Variants in ETFB observed in about 807,000 individuals in gnomAD.
The protein encoded by ETFB is electron transfer flavoprotein subunit beta.
Under a neutral mutation model 25.6 loss-of-function variants are expected in ETFB, and 20 were observed. The ratio of observed to expected loss-of-function variants is 0.78; its 90% CI spans 0.55 to 1.14. The LOEUF (loss-of-function observed/expected upper bound fraction) is 1.14, where lower values mean the gene tolerates loss of function less well. ETFB is among the 50% of genes most tolerant of loss of function. The probability of loss-of-function intolerance (pLI) is 0.00; values close to 1 mark genes in which losing one functional copy is unlikely to be tolerated. For synonymous variants in ETFB, 142 were observed against 146.7 expected (o/e 0.97, Z 0.23); for missense variants, 286 against 342.6 (o/e 0.83, Z 1.30).
chr19:51,346,978 C>G lies in ETFB; in HGVS notation c.519G>C (p.Leu173=), dbSNP rs933129897. The G allele has an allele frequency of 9.9e-6, 16 of 1,609,954 alleles. 1 individual carries two copies. The highest frequency in any genetic ancestry group is 3.3e-4 in the Middle Eastern group (2 of 6,058). The change falls in exon 5 of 6, where the codon CTG becomes CTC. Residue 173 remains leucine (L), a synonymous_variant. Transcript: ENST00000309244. ...TCACCACAGCTGGCAGCTTCAGGCG[C>G]AGGGTCTCCAGGCCCCCATCGATCT... The part of the protein sequence containing the change: ...EREIDGGLET[L]RLKLPAVVTA...
At chr19:51,355,663 T>C (rs1349789825) in intron 1 of ETFB, 1 of 152,076 alleles carries the variant, frequency 6.6e-6, no homozygotes, top group African/African-American at 2.4e-5. Flanking sequence ...TGCGGCACTA[T>C]TCACAATAGT....
At chr19:51,361,367 G>C (rs1409612824) in intron 1 of ETFB, among the ~76,000 whole-genome samples, 1 of 152,182 alleles carries the variant, frequency 6.6e-6, no homozygotes, top group African/African-American at 2.4e-5. Flanking sequence ...TCAGCAAGCA[G>C]GACAGCCAAG....
At chr19:51,350,736 T>C (rs1301104113) in intron 3 of ETFB, among the ~76,000 whole-genome samples, 2 of 151,810 alleles carry the variant, frequency 1.3e-5, no homozygotes, top group African/African-American at 4.8e-5. Context: ...CCCCCAAAGC[T>C]CTGGGATTAC....
At chr19:51,359,671 A>C (rs10414046) in intron 1 of ETFB, among the ~76,000 whole-genome samples, 3,177 of 152,278 alleles carry the variant, frequency 0.021, 110 homozygotes, top group African/African-American at 0.072. Context: ...AGCTTCAAAA[A>C]CAGTTTAGTT....
chr19:51,361,800 G>C (rs933705833), intron 1 of ETFB: 1 of 147,162 alleles, frequency 6.8e-6, no homozygotes, highest in African/African-American at 2.6e-5. Context: ...CGCCTCCCTG[G>C]TTCAAGCGAT....
At chr19:51,360,044 G>A (rs1365975923) in intron 1 of ETFB, among the ~76,000 whole-genome samples, 1 of 151,424 alleles carries the variant, frequency 6.6e-6, no homozygotes, top group Non-Finnish European at 1.5e-5. Flanking sequence ...TTATAATTGA[G>A]GTAAATCATT....
rs556508258 is a variant in ETFB at position 51,346,317 on chromosome 19, G to A, written c.597+583C>T. Reference sequence around the variant, plus strand: ...ATGTAGTGAACACTCTGTAATGGCTGAAATGACTCATTGAACCCTCCCCAT... The same window carrying A: ...ATGTAGTGAACACTCTGTAATGGCTAAAATGACTCATTGAACCCTCCCCAT... On this transcript the variant is annotated intron_variant, in intron 5 of 5. Coordinates refer to ENST00000309244, the MANE Select transcript of ETFB (RefSeq NM_001985.3). The A allele has an allele frequency of 2.0e-4, 33 of 164,544 alleles. No homozygotes were observed. In the East Asian group the frequency reaches 5.4e-3, roughly 27 times the overall value. 10.2% of individuals were successfully genotyped at this position (164,544 alleles called of 1,614,324 possible).
chr19:51,357,791 C>T (rs1426541251), intron 1 of ETFB, among the ~76,000 whole-genome samples: 2 of 152,196 alleles, frequency 1.3e-5, no homozygotes, highest in East Asian at 3.9e-4. Flanking sequence ...GCTCCTGGCC[C>T]AACCTGAGTT....
At chr19:51,349,302 T>C (rs1985871210) in intron 4 of ETFB, among the ~76,000 whole-genome samples, 2 of 152,248 alleles carry the variant, frequency 1.3e-5, no homozygotes, top group Non-Finnish European at 2.9e-5. Context: ...TTGTAGAGCA[T>C]ATGTATCTTA....
intron 1 of ETFB, among the ~76,000 whole-genome samples, chr19:51,359,593 A>G (rs978360217): frequency 1.3e-5 from 2 of 152,066 alleles, no homozygotes; most frequent in Admixed American, 6.6e-5. Flanking sequence ...ACACACACAC[A>G]CACGCACGCA....
At chr19:51,347,309 C>T (rs1448904916) in intron 4 of ETFB, 1 of 533,560 alleles carries the variant, frequency 1.9e-6, no homozygotes, top group Non-Finnish European at 3.4e-6. Flanking sequence ...CCCTGCCTTC[C>T]TGACAGGGAA....
At chr19:51,354,673 T>G in intron 1 of ETFB, 1 of 1,606,276 alleles carries the variant, frequency 6.2e-7, no homozygotes, top group Non-Finnish European at 8.5e-7. Flanking sequence ...AAATACATAA[T>G]ACACTGATAC....
At chr19:51,365,025 T>C (rs1170290905) in intron 1 of ETFB, 3 of 152,048 alleles carry the variant, frequency 2.0e-5, no homozygotes, top group African/African-American at 7.3e-5. Flanking sequence ...AAACCCCATC[T>C]CTACTAAAAA....
intron 1 of ETFB, among the ~76,000 whole-genome samples, chr19:51,362,786 T>TAG (rs1986263498): frequency 6.6e-6 from 1 of 152,138 alleles, no homozygotes; most frequent in South Asian, 2.1e-4. Flanking sequence ...TGCACTATTC[T>TAG]AGTAGTGAAC....
At position 51,360,766 on chromosome 19, in the gene ETFB, TTCTCTCTC is replaced by T. The variant is rs34680105; in HGVS notation, c.57+5496_57+5503del. 2.2e-4 allele frequency among the ~76,000 whole-genome samples: 33 copies of T among 150,220 alleles called. No individual in the cohort carries two copies. In the East Asian group the frequency reaches 3.1e-3, roughly 14 times the overall value. On this transcript the variant is annotated intron_variant, in intron 1 of 5. Transcript: ENST00000309244. Reference sequence around the variant, plus strand: ...CTTCTCTTCTCTTTTCTTTCTCTCTTTCTCTCTCTCTCTCTCTCTCTCTTTCTCTTTCT... The same window carrying T: ...CTTCTCTTCTCTTTTCTTTCTCTCTTTCTCTCTCTCTCTCTTTCTCTTTCT...
intron 1 of ETFB, among the ~76,000 whole-genome samples, chr19:51,363,937 G>C (rs1256117614): frequency 6.6e-6 from 1 of 152,162 alleles, no homozygotes; most frequent in African/African-American, 2.4e-5. Flanking sequence ...AAGGAGGGAA[G>C]TGGACGGCTG....
chr19:51,354,740 G>T, intron 1 of ETFB: 1 of 1,363,914 alleles, frequency 7.3e-7, no homozygotes, highest in Non-Finnish European at 1.0e-6. Flanking sequence ...AGTTAAGGGT[G>T]GTCCTCAGAG....
At chr19:51,359,481 C>T (rs1986166747) in intron 1 of ETFB, among the ~76,000 whole-genome samples, 1 of 152,072 alleles carries the variant, frequency 6.6e-6, no homozygotes, top group Non-Finnish European at 1.5e-5. Context: ...TCTGAAGGGC[C>T]TCAAGCCACA....
At chr19:51,363,018 T>G (rs1986268422) in intron 1 of ETFB, among the ~76,000 whole-genome samples, 1 of 152,160 alleles carries the variant, frequency 6.6e-6, no homozygotes, top group Non-Finnish European at 1.5e-5. Context: ...TCCACTCAGT[T>G]AGGTTGGCTC....
Sources: gnomAD v4.1 joint callset for allele counts (sites outside exome capture counted in the v4.1 genomes callset) on GRCh38, gnomAD v4.1.1 for gene constraint, MANE v1.5 for transcripts, NCBI Gene and HGNC (gene_info 2026-07-23, HGNC 2026-07-21) for gene names.